Variants in LRRC8A observed in about 807,000 individuals in gnomAD.
The protein encoded by LRRC8A is leucine rich repeat containing 8 VRAC subunit A.
In LRRC8A, 24 loss-of-function variants were observed where a neutral mutation model predicts 52.5. The ratio of observed to expected loss-of-function variants is 0.46; its 90% CI spans 0.33 to 0.64. LRRC8A has a LOEUF of 0.64. Among genes scored for constraint, LRRC8A ranks in the 30% least tolerant of loss-of-function variants. The pLI is 0.02. For synonymous variants in LRRC8A, 492 were observed against 494.2 expected, an observed-to-expected ratio of 1.00 and a Z score of 0.06; for missense variants, 677 against 1,094.7, an observed-to-expected ratio of 0.62 and a Z score of 5.38.
intron 2 of LRRC8A, among the ~76,000 whole-genome samples, chr9:128,898,039 A>AGTGTGTGTGT (rs58876901): frequency 7.3e-6 from 1 of 136,410 alleles, no homozygotes; most frequent in African/African-American, 2.8e-5. Flanking sequence ...AAGATTGTTC[A>AGTGTGTGTGT]GTGTGTGTGT....
chr9:128,891,698 C>CG (rs1839628351), intron 2 of LRRC8A, among the ~76,000 whole-genome samples: 1 of 152,192 alleles, frequency 6.6e-6, no homozygotes, highest in African/African-American at 2.4e-5. Flanking sequence ...CCAGAGGCAT[C>CG]TGAGTATGGC....
In LRRC8A at chr9:128,907,826, A is replaced by G. The variant is rs1263320019; in HGVS notation, c.662A>G (p.Gln221Arg). The change falls in exon 3 of 4, where the codon CAG becomes CGG. Residue 221 changes from glutamine to arginine, a missense_variant. Around this residue, in one of 4 missense-constraint regions of LRRC8A, gnomAD observed 422 missense variants for 741.5 expected, o/e 0.57. Coordinates refer to ENST00000372600, the MANE Select transcript of LRRC8A (RefSeq NM_019594.4). The surrounding 1 kb of genome is among the most constrained non-coding windows in gnomAD (Gnocchi z 9.3). Reference protein sequence around the residue: ...MLQRTKSRIEQGIVDRSETGV... With the variant: ...MLQRTKSRIERGIVDRSETGV... ...CAGCGGACCAAGTCACGGATCGAGC[A>G]GGGTATCGTGGACCGCTCAGAGACG... 2 of 1,614,060 alleles carry G rather than the reference A, an allele frequency of 1.2e-6. No individual in the cohort carries two copies. The highest frequency in any genetic ancestry group is 4.5e-5 in the East Asian group (2 of 44,876).
intron 2 of LRRC8A, among the ~76,000 whole-genome samples, chr9:128,905,572 C>T (rs1840212778): frequency 6.6e-6 from 1 of 152,090 alleles, no homozygotes; most frequent in South Asian, 2.1e-4. Flanking sequence ...CAGCCAGGCA[C>T]GGTGGCTCAC....
intron 3 of LRRC8A, among the ~76,000 whole-genome samples, chr9:128,912,509 G>GC (rs1312099293): frequency 2.8e-5 from 4 of 142,700 alleles, no homozygotes; most frequent in East Asian, 2.3e-4. Context: ...GGCTATGGGG[G>GC]GGGGTGTGGA....
At chr9:128,901,759 T>C (rs1247329403) in intron 2 of LRRC8A, among the ~76,000 whole-genome samples, 3 of 152,032 alleles carry the variant, frequency 2.0e-5, no homozygotes, top group Non-Finnish European at 4.4e-5. Flanking sequence ...GCTTCCCCTC[T>C]TCATCCTCGG....
chr9:128,897,992 G>T (rs1236809539), intron 2 of LRRC8A, among the ~76,000 whole-genome samples: 1 of 150,376 alleles, frequency 6.6e-6, no homozygotes, highest in African/African-American at 2.4e-5. Flanking sequence ...AGTTTGGGGT[G>T]AAAAAGGGTA....
rs112666951 is a variant in LRRC8A, at chr9:128,911,663, C to T, written c.2157+2342C>T. 6.5e-3 allele frequency among the ~76,000 whole-genome samples: 996 copies of T among 152,206 alleles called. 17 individuals carry two copies. Among genetic ancestry groups the T allele is most frequent in the African/African-American group, 0.022 (929 of 41,536 alleles). On this transcript the variant is annotated intron_variant, in intron 3 of 3. Transcript: ENST00000372600. This position sits in a 1 kb window ranked among gnomAD's most constrained non-coding sequence, Gnocchi z 4.9. ...CCTGTCCCCCACCCCCAGCTCCTCC[C>T]GCCAAGCTTGCCTGTTAGTGTCATG...
At chr9:128,915,422 T>C (rs1354028640) in intron 3 of LRRC8A, among the ~76,000 whole-genome samples, 1 of 152,188 alleles carries the variant, frequency 6.6e-6, no homozygotes, top group African/African-American at 2.4e-5. Context: ...CCTCCCGGGT[T>C]CACGCCATTC....
At chr9:128,913,190 T>C (rs1327998911) in intron 3 of LRRC8A, among the ~76,000 whole-genome samples, 1 of 151,938 alleles carries the variant, frequency 6.6e-6, no homozygotes, top group East Asian at 1.9e-4. Context: ...GATTAGGAAC[T>C]GGTGACTTTG....
At chr9:128,885,733 C>T (rs751586306) in intron 1 of LRRC8A, among the ~76,000 whole-genome samples, 4 of 152,148 alleles carry the variant, frequency 2.6e-5, no homozygotes, top group African/African-American at 9.7e-5. Flanking sequence ...CATGGGGAAA[C>T]GCTGTCTCTA....
intron 3 of LRRC8A, among the ~76,000 whole-genome samples, chr9:128,912,404 G>T (rs1475840287): frequency 2.6e-5 from 4 of 152,000 alleles, no homozygotes; most frequent in African/African-American, 9.7e-5. Flanking sequence ...GAGGAAGCCA[G>T]GTGGAGGGGA....
chr9:128,890,745 T>C (rs535399666), intron 2 of LRRC8A, among the ~76,000 whole-genome samples: 2 of 152,316 alleles, frequency 1.3e-5, no homozygotes, highest in African/African-American at 4.8e-5. Flanking sequence ...GCTGCCTCTC[T>C]AGGGTACTGG....
At chr9:128,915,887 TC>T (rs1840792396) in intron 3 of LRRC8A, among the ~76,000 whole-genome samples, 1 of 152,006 alleles carries the variant, frequency 6.6e-6, no homozygotes, top group South Asian at 2.1e-4. Context: ...ACCCAGGAGA[TC>T]AGGGAAGGCT....
In LRRC8A at chr9:128,908,240, A is replaced by G. The variant is rs1840339687; in HGVS notation, c.1076A>G (p.Glu359Gly). The change falls in exon 3 of 4, where the codon GAG (glutamate) becomes GGG (glycine). Residue 359 changes from glutamate to glycine, a missense_variant. Glu to Gly is a moderately conservative substitution (Grantham distance 98, BLOSUM62 -2). Around this residue, in one of 4 missense-constraint regions of LRRC8A, gnomAD observed 422 missense variants for 741.5 expected, o/e 0.57. Coordinates refer to ENST00000372600, the MANE Select transcript of LRRC8A (RefSeq NM_019594.4). ...KKYSFESIREESSYSDIPDVK... is the reference protein window; with the variant it reads ...KKYSFESIREGSSYSDIPDVK... ...TACTCGTTTGAGTCGATCCGTGAGG[A>G]GAGCAGCTACAGCGACATCCCCGAC... The G allele has an allele frequency of 4.3e-6, 7 of 1,613,968 alleles. No individual in the cohort carries two copies. Among genetic ancestry groups the G allele is most frequent in the Non-Finnish European group, 4.2e-6 (5 of 1,180,030 alleles).
At chr9:128,915,905 A>AG (rs1200702235) in intron 3 of LRRC8A, among the ~76,000 whole-genome samples, 191 bp from the exon 4 acceptor site, 3 of 152,170 alleles carry the variant, frequency 2.0e-5, no homozygotes, top group African/African-American at 7.2e-5. Flanking sequence ...GGCTTCCTGG[A>AG]GGAAGTGAGC....
chr9:128,893,407 C>T (rs73622777), intron 2 of LRRC8A, among the ~76,000 whole-genome samples: 2,352 of 152,294 alleles, frequency 0.015, 54 homozygotes, highest in African/African-American at 0.054. Context: ...TTAATTCTCA[C>T]GATAACCCAT....
At position 128,913,975 on chromosome 9, in the gene LRRC8A, C is replaced by T. The variant is rs562578619; in HGVS notation, c.2158-2121C>T. Among the ~76,000 whole-genome samples, 21 of 152,290 alleles carry T rather than the reference C, an allele frequency of 1.4e-4. No homozygotes were observed. The South Asian group carries it at 3.9e-3, about 29-fold the overall frequency. On this transcript the variant is annotated intron_variant, in intron 3 of 3. Transcript: ENST00000372600. ...ATCCCAACACTTTGGGAGGCCGAGG[C>T]GGGCAGATCACCTGAGGTCAGGAGT... is the stretch of plus-strand genomic sequence containing the variant.
At chr9:128,914,628 ATGGGGGCGGTGAT>A in intron 3 of LRRC8A, among the ~76,000 whole-genome samples, 1 of 152,158 alleles carries the variant, frequency 6.6e-6, no homozygotes, top group Non-Finnish European at 1.5e-5. Context: ...TGGCAGGAAA[ATGGGGGCGGTGAT>A]AGAGCAAGCT....
At position 128,908,715 on chromosome 9, in the gene LRRC8A, A is replaced by G. The variant is rs1564528559; in HGVS notation, c.1551A>G (p.Thr517=). 2 of 1,613,070 alleles carry G rather than the reference A, an allele frequency of 1.2e-6. No homozygotes were observed. The highest frequency in any genetic ancestry group is 1.7e-6 in the Non-Finnish European group (2 of 1,180,026). The change falls in exon 3 of 4, where the codon ACA becomes ACG. Residue 517 remains threonine, a synonymous_variant. Transcript: ENST00000372600. ...EIPLWIYSLK[T]LEELHLTGNL... ...CGCTGTGGATCTATAGCCTGAAGAC[A>G]CTGGAGGAGCTGCACCTGACGGGCA...
Sources: gnomAD v4.1 joint callset for allele counts (sites outside exome capture counted in the v4.1 genomes callset) on GRCh38, gnomAD v4.1.1 for gene constraint, gnomAD v4.1.1 regional missense constraint, Gnocchi (gnomAD v3.1) non-coding constraint, MANE v1.5 for transcripts, NCBI Gene and HGNC (gene_info 2026-07-23, HGNC 2026-07-21) for gene names.